ENTREP1: variants seen among roughly 807,000 people sequenced by gnomAD.
ENTREP1 encodes the protein endosomal transmembrane epsin interactor 1.
the ENTREP1 span, among the ~76,000 whole-genome samples, chr9:69,346,133 C>T: frequency 6.6e-6 from 1 of 151,664 alleles, no homozygotes; most frequent in African/African-American, 2.4e-5. Context: ...CAGGCACGTG[C>T]CACCATGCCC....
At chr9:69,385,271 G>A in the ENTREP1 span, among the ~76,000 whole-genome samples, 125,282 of 152,202 alleles carry the variant, frequency 0.82, 51,660 homozygotes, top group South Asian at 0.87. Flanking sequence ...CAGGCTCACA[G>A]TTTTATTTTC....
chr9:69,380,816 G>T, the ENTREP1 span: 3 of 152,320 alleles, frequency 2.0e-5, no homozygotes, highest in Admixed American at 2.0e-4. Flanking sequence ...CTTGGGCATT[G>T]ACGTGGTTGA....
At chr9:69,372,346 C>T in the ENTREP1 span, among the ~76,000 whole-genome samples, 81 of 152,228 alleles carry the variant, frequency 5.3e-4, 1 homozygote, top group African/African-American at 1.8e-3. Flanking sequence ...GCAACAGCTC[C>T]CCATCCTCCA....
chr9:69,389,203 G>C, the ENTREP1 span, among the ~76,000 whole-genome samples: 1 of 152,116 alleles, frequency 6.6e-6, no homozygotes, highest in Non-Finnish European at 1.5e-5. Flanking sequence ...GGATGTTGTA[G>C]ACAGCACCCC....
At chr9:69,392,080 A>G in the ENTREP1 span, 1 of 484,204 alleles carries the variant, frequency 2.1e-6, no homozygotes, top group African/African-American at 1.9e-5. Flanking sequence ...CAAGGGTCAC[A>G]TGCCCTGGCA....
chr9:69,358,880 T>C, the ENTREP1 span, among the ~76,000 whole-genome samples: 1 of 148,946 alleles, frequency 6.7e-6, no homozygotes, highest in Non-Finnish European at 1.5e-5. Flanking sequence ...TAAAGCCTTT[T>C]TTTTTCTTTT....
the ENTREP1 span, chr9:69,377,628 T>C: frequency 1.9e-6 from 3 of 1,614,100 alleles, no homozygotes; most frequent in Middle Eastern, 1.7e-4. Context: ...CCCAGATTTC[T>C]GCTGAAGAAG....
chr9:69,329,296 A>G, the ENTREP1 span: 1 of 925,078 alleles, frequency 1.1e-6, no homozygotes, highest in Admixed American at 6.2e-5. Flanking sequence ...TGTGTATTTG[A>G]TACAAAATTA....
the ENTREP1 span, among the ~76,000 whole-genome samples, chr9:69,346,973 A>G: frequency 6.6e-6 from 1 of 152,218 alleles, no homozygotes; most frequent in South Asian, 2.1e-4. Flanking sequence ...AGAATATGAT[A>G]GATTCTTTGG....
At chr9:69,365,416 T>A in the ENTREP1 span, among the ~76,000 whole-genome samples, 2 of 152,164 alleles carry the variant, frequency 1.3e-5, no homozygotes, top group Non-Finnish European at 2.9e-5. Flanking sequence ...GGGTTAAACG[T>A]GCAATTTTGT....
the ENTREP1 span, among the ~76,000 whole-genome samples, chr9:69,340,769 G>GTGTGTA: frequency 8.0e-4 from 111 of 138,708 alleles, 3 homozygotes; most frequent in African/African-American, 1.3e-3. Flanking sequence ...GTGCATGTGT[G>GTGTGTA]TGTGTGTATG....
the ENTREP1 span, among the ~76,000 whole-genome samples, chr9:69,326,244 G>A: frequency 6.6e-6 from 1 of 152,140 alleles, no homozygotes; most frequent in African/African-American, 2.4e-5. Flanking sequence ...GAAATGTGTA[G>A]GGTGGCTCGA....
chr9:69,351,744 C>T, the ENTREP1 span, among the ~76,000 whole-genome samples: 1 of 152,172 alleles, frequency 6.6e-6, no homozygotes, highest in Non-Finnish European at 1.5e-5. Flanking sequence ...CCTCCATTTG[C>T]TCTGTTCTTT....
At chr9:69,362,439 G>C in the ENTREP1 span, among the ~76,000 whole-genome samples, 1 of 152,184 alleles carries the variant, frequency 6.6e-6, no homozygotes, top group African/African-American at 2.4e-5. Flanking sequence ...CCAGAGATCA[G>C]AGCTGAGATG....
chr9:69,391,638 A>C, the ENTREP1 span: 1 of 1,614,024 alleles, frequency 6.2e-7, no homozygotes, highest in Non-Finnish European at 8.5e-7. Context: ...TCCAGGGCCC[A>C]CAAGCTGCCC....
At chr9:69,324,603 C>T in the ENTREP1 span, 12 of 985,396 alleles carry the variant, frequency 1.2e-5, no homozygotes, top group Non-Finnish European at 1.4e-5. Flanking sequence ...ACCGAGATGC[C>T]GGGAAAGCAC....
At chr9:69,332,180 C>T in the ENTREP1 span, among the ~76,000 whole-genome samples, 1 of 152,224 alleles carries the variant, frequency 6.6e-6, no homozygotes, top group Non-Finnish European at 1.5e-5. Flanking sequence ...CCCATCACCA[C>T]TCACAGGGTT....
chr9:69,328,748 T>A, the ENTREP1 span, among the ~76,000 whole-genome samples: 1 of 152,176 alleles, frequency 6.6e-6, no homozygotes, highest in Non-Finnish European at 1.5e-5. Flanking sequence ...GCCATACAAC[T>A]TACCCATTTA....
the ENTREP1 span, chr9:69,375,851 A>C: frequency 6.2e-7 from 1 of 1,613,704 alleles, no homozygotes; most frequent in East Asian, 2.2e-5. Context: ...AGTGCTGTTC[A>C]CCTTCTACTT....
Sources: allele counts gnomAD v4.1 joint callset (sites outside exome capture counted in the v4.1 genomes callset), GRCh38; gene constraint gnomAD v4.1.1; transcripts MANE v1.5; gene names NCBI Gene and HGNC (gene_info 2026-07-23, HGNC 2026-07-21).